SORCS2: variants seen among roughly 807,000 people sequenced by gnomAD.
The protein encoded by SORCS2 is sortilin related VPS10 domain containing receptor 2.
A neutral mutation model predicts 141.6 loss-of-function variants in SORCS2; 100 were observed. That is an observed-to-expected ratio of 0.71 (90% CI 0.60 to 0.83). The LOEUF (loss-of-function observed/expected upper bound fraction) is 0.83. Ranked by LOEUF, SORCS2 falls within the 40% of genes least tolerant of loss-of-function variation. SORCS2 has a pLI of 0.00. For synonymous variants in SORCS2, 789 were observed against 676.9 expected, an observed-to-expected ratio of 1.17 and a Z score of -2.57; for missense variants, 1,646 against 1,560.2, an observed-to-expected ratio of 1.05 and a Z score of -0.93.
At chr4:7,488,492 G>A (rs952143268) in intron 2 of SORCS2, among the ~76,000 whole-genome samples, 15 of 152,160 alleles carry the variant, frequency 9.9e-5, no homozygotes, top group African/African-American at 2.4e-4. Context: ...ACCTGGGCTC[G>A]ACACACCCAC....
chr4:7,418,816 G>T (rs1382201612), intron 2 of SORCS2, among the ~76,000 whole-genome samples: 3 of 151,878 alleles, frequency 2.0e-5, no homozygotes, highest in Non-Finnish European at 4.4e-5. Context: ...GTTATTGACT[G>T]GGCTCAATCT....
At chr4:7,413,712 G>A (rs1725480084) in intron 2 of SORCS2, among the ~76,000 whole-genome samples, 1 of 152,102 alleles carries the variant, frequency 6.6e-6, no homozygotes. Flanking sequence ...TTTAATGGCT[G>A]TATAATATAG....
intron 8 of SORCS2, among the ~76,000 whole-genome samples, chr4:7,672,575 A>G (rs1577925501): frequency 6.6e-6 from 1 of 152,332 alleles, no homozygotes; most frequent in South Asian, 2.1e-4. Flanking sequence ...ATAATACAAC[A>G]TAATAAACAA....
intron 7 of SORCS2, among the ~76,000 whole-genome samples, chr4:7,666,415 C>T (rs1418305322): frequency 6.6e-6 from 1 of 152,202 alleles, no homozygotes; most frequent in East Asian, 1.9e-4. Flanking sequence ...GAGGAAAGCT[C>T]TCCCTACCCC....
intron 2 of SORCS2, chr4:7,433,871 T>C: frequency 6.2e-7 from 1 of 1,613,730 alleles, no homozygotes; most frequent in Non-Finnish European, 8.5e-7. Context: ...ACCAAGATGA[T>C]GCACTCCTTC....
chr4:7,518,060 A>T (rs1270859576), intron 2 of SORCS2, among the ~76,000 whole-genome samples: 1 of 152,228 alleles, frequency 6.6e-6, no homozygotes, highest in Non-Finnish European at 1.5e-5. Context: ...ATATGCTCAC[A>T]CAGGGACCAG....
At chr4:7,539,928 TCCTGCTGTGAAGGTCTCACCCCCTC>T (rs1343336232) in intron 3 of SORCS2, among the ~76,000 whole-genome samples, 1 of 137,468 alleles carries the variant, frequency 7.3e-6, no homozygotes, top group African/African-American at 2.8e-5. Flanking sequence ...CCCACCCCCT[TCCTGCTGTGAAGGTCTCACCCCCTC>T]CCTGCTGTGA....
At chr4:7,257,065 A>G (rs1713936493) in intron 1 of SORCS2, among the ~76,000 whole-genome samples, 2 of 152,136 alleles carry the variant, frequency 1.3e-5, no homozygotes, top group South Asian at 2.1e-4. Context: ...AAGTTTTGCT[A>G]TTTTAACATC....
At chr4:7,228,709 G>T (rs186148016) in intron 1 of SORCS2, among the ~76,000 whole-genome samples, 210 of 152,328 alleles carry the variant, frequency 1.4e-3, no homozygotes, top group Non-Finnish European at 2.5e-3. Flanking sequence ...CAGCTTCTCT[G>T]TGGTCAGGGC....
At chr4:7,309,049 C>T (rs564020190) in intron 1 of SORCS2, among the ~76,000 whole-genome samples, 1 of 152,330 alleles carries the variant, frequency 6.6e-6, no homozygotes, top group Non-Finnish European at 1.5e-5. Context: ...CCCATCCTGC[C>T]CTGCACACTG....
chr4:7,379,782 A>G (rs534101994), intron 1 of SORCS2, among the ~76,000 whole-genome samples: 2 of 152,358 alleles, frequency 1.3e-5, no homozygotes, highest in African/African-American at 4.8e-5. Flanking sequence ...CAAGACCTCT[A>G]TGAAGGGCCT....
chr4:7,628,518 C>CG (rs749731204), intron 3 of SORCS2, among the ~76,000 whole-genome samples: 4 of 83,492 alleles, frequency 4.8e-5, no homozygotes, highest in South Asian at 6.5e-4. Flanking sequence ...GACTCCGTCT[C>CG]GAAAAAAAAA....
intron 3 of SORCS2, among the ~76,000 whole-genome samples, chr4:7,532,658 C>A (rs1382162774): frequency 1.3e-5 from 2 of 151,784 alleles, no homozygotes; most frequent in African/African-American, 4.8e-5. Context: ...TGGAGCTTGG[C>A]AGCTTCTGCT....
intron 3 of SORCS2, among the ~76,000 whole-genome samples, chr4:7,630,936 C>T (rs1719849919): frequency 6.6e-6 from 1 of 152,078 alleles, no homozygotes; most frequent in African/African-American, 2.4e-5. Flanking sequence ...TAAAAGCATC[C>T]TCCCCAGGAC....
intron 1 of SORCS2, among the ~76,000 whole-genome samples, chr4:7,372,805 A>G (rs532212816): frequency 6.6e-6 from 1 of 151,662 alleles, no homozygotes; most frequent in South Asian, 2.1e-4. Flanking sequence ...TGCCGTATAC[A>G]TGGAATCACA....
intron 3 of SORCS2, among the ~76,000 whole-genome samples, chr4:7,566,049 A>G (rs962981273): frequency 1.0e-4 from 15 of 146,038 alleles, no homozygotes; most frequent in Non-Finnish European, 1.1e-4. Flanking sequence ...GATGATGGCG[A>G]TGGTGATGAT....
chr4:7,626,977 C>T (rs1332776166), intron 3 of SORCS2, among the ~76,000 whole-genome samples: 2 of 151,954 alleles, frequency 1.3e-5, no homozygotes, highest in Non-Finnish European at 2.9e-5. Context: ...ATTTTTTATT[C>T]ATTTATTTTA....
At chr4:7,543,850 G>GTCCATCCA (rs1712983209) in intron 3 of SORCS2, among the ~76,000 whole-genome samples, 5 of 11,394 alleles carry the variant, frequency 4.4e-4, no homozygotes, top group Non-Finnish European at 7.7e-4. Flanking sequence ...CCACTCATCC[G>GTCCATCCA]TCCATCCATC....
chr4:7,339,317 G>A (rs890564338), intron 1 of SORCS2, among the ~76,000 whole-genome samples: 3 of 152,252 alleles, frequency 2.0e-5, no homozygotes, highest in Admixed American at 2.0e-4. Context: ...ATGTGCACAG[G>A]AAGGAGGACT....
Sources: gnomAD v4.1 joint callset for allele counts (sites outside exome capture counted in the v4.1 genomes callset) on GRCh38, gnomAD v4.1.1 for gene constraint, MANE v1.5 for transcripts, NCBI Gene and HGNC (gene_info 2026-07-23, HGNC 2026-07-21) for gene names.